Variants in COL18A1 observed in about 807,000 individuals in gnomAD.
The protein encoded by COL18A1 is collagen type XVIII alpha 1 chain, also known as collagen alpha-1(XVIII) chain.
Under a neutral mutation model 168.0 loss-of-function variants are expected in COL18A1, and 133 were observed. The ratio of observed to expected loss-of-function variants is 0.79; its 90% CI spans 0.69 to 0.91. The LOEUF is 0.91. Among genes scored for constraint, COL18A1 ranks in the 40% least tolerant of loss-of-function variants. The pLI is 0.00. For synonymous variants in COL18A1, 949 were observed against 809.0 expected, an observed-to-expected ratio of 1.17 and a Z score of -2.94; for missense variants, 2,126 against 1,925.4, an observed-to-expected ratio of 1.10 and a Z score of -1.95.
chr21:45,495,706 G>A (rs542146399), intron 29 of COL18A1: 131 of 416,104 alleles, frequency 3.1e-4, no homozygotes, highest in South Asian at 6.4e-4. Flanking sequence ...CCATACACAC[G>A]CGCACACATA....
Position 45,480,483 on chromosome 21 carries a change from A to C in COL18A1, c.1415A>C (p.Glu472Ala), listed in dbSNP as rs1193733468. ...RHDKLTFIDM[E>A]GSGFGGDLEA... is the part of the protein sequence containing the mutation. ...TTTCCTCAGACCTTCATTGACATGG[A>C]GGGATCTGGCTTCGGGGGCGATCTG... The change falls in exon 12 of 42, where the codon GAG becomes GCG. Residue 472 changes from glutamate to alanine, a missense_variant. Glu to Ala is a moderately radical substitution (Grantham distance 107). Coordinates refer to ENST00000651438, the MANE Select transcript of COL18A1 (RefSeq NM_001379500.1). 1.9e-6 allele frequency: 3 copies of C among 1,614,046 alleles called. No homozygotes were observed. Among genetic ancestry groups the C allele is most frequent in the Non-Finnish European group, 2.5e-6 (3 of 1,179,998 alleles).
intron 38 of COL18A1, among the ~76,000 whole-genome samples, chr21:45,508,705 TCTCA>T (rs1405535631): frequency 6.6e-6 from 1 of 152,178 alleles, no homozygotes; most frequent in Non-Finnish European, 1.5e-5. Flanking sequence ...CCCAGTCTGC[TCTCA>T]CTCATTTGCT....
At chr21:45,440,325 C>T (rs940128872) in intron 2 of COL18A1, among the ~76,000 whole-genome samples, 7 of 152,240 alleles carry the variant, frequency 4.6e-5, no homozygotes, top group African/African-American at 7.2e-5. Flanking sequence ...GGAGAGGGTC[C>T]AGAGCTGCCC....
chr21:45,447,736 AGT>A (rs113841405), intron 2 of COL18A1, among the ~76,000 whole-genome samples: 43 of 152,282 alleles, frequency 2.8e-4, no homozygotes, highest in African/African-American at 1.0e-3. Flanking sequence ...AACTTCTTAG[AGT>A]CTTTGAAAAT....
In COL18A1 at chr21:45,504,472, G is replaced by A. The variant is rs752389252; in HGVS notation, c.2784G>A (p.Gly928=). ...AGAAAGGCGAAAGGGGGGAGCCCGGGGGCGGCGGTTTCTTCGGCTCCAGCC... is the reference window on the plus strand; with the variant it reads ...AGAAAGGCGAAAGGGGGGAGCCCGGAGGCGGCGGTTTCTTCGGCTCCAGCC... ...AGQKGERGEP[G]GGGFFGSSLP... The change falls in exon 34 of 42, where the codon GGG becomes GGA. Residue 928 remains glycine, a synonymous_variant. Transcript: ENST00000651438. 1.2e-5 allele frequency: 19 copies of A among 1,608,840 alleles called. No individual in the cohort carries two copies. The highest frequency in any genetic ancestry group is 6.6e-5 in the South Asian group (6 of 90,892).
rs533848641 is a variant in COL18A1 at position 45,438,080 on chromosome 21, ACT to A, written c.107-30158_107-30157del. On this transcript the variant is annotated intron_variant, in intron 2 of 41. Coordinates refer to ENST00000651438, the MANE Select transcript of COL18A1 (RefSeq NM_001379500.1). ...CACTCACACTCACACTCAGACAAGCACTCTCCTGCACACACTCACACTCACAC... is the reference window on the plus strand; with the variant it reads ...CACTCACACTCACACTCAGACAAGCACTCCTGCACACACTCACACTCACAC... Among the ~76,000 whole-genome samples the A allele has an allele frequency of 3.8e-4, 44 of 117,174 alleles. 2 individuals carry two copies. Among genetic ancestry groups the A allele is most frequent in the Middle Eastern group, 5.7e-3 (1 of 176 alleles). 76.9% of individuals were successfully genotyped at this position (117,174 alleles called of 152,430 possible).
chr21:45,421,476 G>A (rs539761392), intron 2 of COL18A1: 9 of 534,610 alleles, frequency 1.7e-5, no homozygotes, highest in South Asian at 5.6e-5. Flanking sequence ...GAGCGGAGCA[G>A]GACACCGCGT....
At chr21:45,492,445 T>C in intron 22 of COL18A1, 90 bp from the exon 23 acceptor site, 1 of 1,465,068 alleles carries the variant, frequency 6.8e-7, no homozygotes, top group Non-Finnish European at 9.6e-7. Context: ...TTTCCTGGTT[T>C]GGTGTTTTGT....
rs557397714 is a variant in COL18A1 at position 45,406,823 on chromosome 21, C to A, written c.106+1350C>A. 8.9e-4 allele frequency among the ~76,000 whole-genome samples: 135 copies of A among 152,350 alleles called. 1 individual carries two copies. Among genetic ancestry groups the A allele is most frequent in the African/African-American group, 3.2e-3 (131 of 41,584 alleles). The stretch of plus-strand genomic sequence containing the variant: ...TTTTTTTGCCTTTGAATAGAAAAAA[C>A]AAAAACTGTTAACGCGAGCTTTGGT... On this transcript the variant is annotated intron_variant, in intron 2 of 41. Coordinates refer to ENST00000651438, the MANE Select transcript of COL18A1 (RefSeq NM_001379500.1).
rs2036629510 is a variant in COL18A1 at position 45,498,563 on chromosome 21, AAGGGACCAGGC to A, written c.2683+906_2683+916del. On this transcript the variant is annotated intron_variant, in intron 32 of 41. Transcript: ENST00000651438. The surrounding 1 kb of genome is among the most constrained non-coding windows in gnomAD (Gnocchi z 4.5). Reference sequence around the variant, plus strand: ...TGCTGGGGCTGCACTCTGGGGTGGGAAGGGACCAGGCAGGCAGAGGCCGAGTCTGGGCCGGG... The same window carrying A: ...TGCTGGGGCTGCACTCTGGGGTGGGAAGGCAGAGGCCGAGTCTGGGCCGGG... The A allele has an allele frequency of 1.4e-6, 1 of 716,870 alleles. No homozygotes were observed. The highest frequency in any genetic ancestry group is 2.6e-6 in the Non-Finnish European group (1 of 384,948). 44.4% of individuals were successfully genotyped at this position (716,870 alleles called of 1,614,324 possible).
rs778976870 is a variant in COL18A1 at position 45,437,816 on chromosome 21, ACACACT to A, written c.107-30417_107-30412del. On this transcript the variant is annotated intron_variant, in intron 2 of 41. Transcript: ENST00000651438. The stretch of plus-strand genomic sequence containing the variant: ...CACAGACACACAGGCACTCTCCTGC[ACACACT>A]CACACTCAGACAAGCACTCTCCTGC... Among the ~76,000 whole-genome samples, 6 of 64,810 alleles carry A rather than the reference ACACACT, an allele frequency of 9.3e-5. 1 individual carries two copies. The allele number at this position is 64,810 out of a possible 152,430, so 42.5% of individuals were successfully genotyped here. A position where few individuals can be genotyped will look rare whatever the true frequency, so the allele number is the denominator to read the frequency against.
chr21:45,448,386 G>C (rs1455532178), intron 2 of COL18A1, among the ~76,000 whole-genome samples: 1 of 152,166 alleles, frequency 6.6e-6, no homozygotes, highest in African/African-American at 2.4e-5. Context: ...ACACATCCGT[G>C]ATGCATATCC....
chr21:45,418,507 G>A (rs982636555), intron 2 of COL18A1, among the ~76,000 whole-genome samples: 3 of 152,148 alleles, frequency 2.0e-5, no homozygotes, highest in Admixed American at 1.3e-4. Flanking sequence ...CTGGGGCGGC[G>A]CTTGCCCGGT....
intron 32 of COL18A1, among the ~76,000 whole-genome samples, chr21:45,503,648 AG>A (rs1399435227): frequency 3.6e-4 from 20 of 56,322 alleles, no homozygotes; most frequent in East Asian, 6.3e-4. Context: ...GGGTGGGGGG[AG>A]GGGGGAGGGA....
At chr21:45,489,451 C>T (rs1427375325) in intron 18 of COL18A1, 35 bp from the exon 19 acceptor site, 1 of 1,551,232 alleles carries the variant, frequency 6.4e-7, no homozygotes, top group South Asian at 1.2e-5. Context: ...GGGCTGGCCC[C>T]AGCAGGTGCT....
chr21:45,489,341 G>A, intron 18 of COL18A1, 145 bp from the exon 19 acceptor site: 1 of 737,972 alleles, frequency 1.4e-6, no homozygotes, highest in East Asian at 2.7e-5. Flanking sequence ...GTTGCTCAGT[G>A]TCCCTGGGAC....
At position 45,480,194 on chromosome 21, in the gene COL18A1, G is replaced by C. The variant is rs188470839; in HGVS notation, c.1398+38G>C. On this transcript the variant is annotated intron_variant, in intron 11 of 41. Transcript: ENST00000651438. The stretch of plus-strand genomic sequence containing the variant: ...CTTGGCTTCCTGCGACCCGGGGTCT[G>C]CCCTCCTCAAAAGCAGGCACTGCCT... The C allele has an allele frequency of 3.9e-6, 5 of 1,275,242 alleles. No individual in the cohort carries two copies. The Admixed American group carries it at 9.6e-5, about 24-fold the overall frequency. The allele number at this position is 1,275,242 out of a possible 1,614,324, so 79.0% of individuals were successfully genotyped here. A position where few individuals can be genotyped will look rare whatever the true frequency, so the allele number is the denominator to read the frequency against.
intron 2 of COL18A1, chr21:45,456,209 G>GC: frequency 1.2e-6 from 2 of 1,606,758 alleles, no homozygotes; most frequent in South Asian, 2.2e-5. Flanking sequence ...GCTGGGCGGG[G>GC]CCCCTCCCTG....
At chr21:45,412,608 C>A (rs2033331753) in intron 2 of COL18A1, among the ~76,000 whole-genome samples, 1 of 152,150 alleles carries the variant, frequency 6.6e-6, no homozygotes, top group South Asian at 2.1e-4. Context: ...AGAGATGGCA[C>A]CCTGGAGTGG....
Sources: allele counts gnomAD v4.1 joint callset (sites outside exome capture counted in the v4.1 genomes callset), GRCh38; gene constraint gnomAD v4.1.1; non-coding constraint Gnocchi (gnomAD v3.1); transcripts MANE v1.5; gene names NCBI Gene and HGNC (gene_info 2026-07-23, HGNC 2026-07-21).